SVOPL: variants seen among roughly 807,000 people sequenced by gnomAD.
SVOPL encodes the protein putative transporter SVOPL.
In SVOPL, 60 loss-of-function variants were observed where a neutral mutation model predicts 61.0. That is an observed-to-expected ratio of 0.98 (90% CI 0.80 to 1.22). The LOEUF is 1.22. Among genes scored for constraint, SVOPL ranks in the 50% most tolerant of loss-of-function variants. SVOPL has a pLI of 0.00. For missense variants in SVOPL, 662 were observed against 643.9 expected, an observed-to-expected ratio of 1.03 and a Z score of -0.30; for synonymous variants, 279 against 250.0, an observed-to-expected ratio of 1.12 and a Z score of -1.09.
intron 14 of SVOPL, among the ~76,000 whole-genome samples, chr7:138,610,076 T>C (rs890260383): frequency 1.3e-5 from 2 of 152,206 alleles, no homozygotes; most frequent in African/African-American, 4.8e-5. Flanking sequence ...ATAGTTGAGA[T>C]GTTCAATAAT....
At chr7:138,597,048 C>G (rs1383298536) in intron 14 of SVOPL, 1 of 1,155,234 alleles carries the variant, frequency 8.7e-7, no homozygotes, top group African/African-American at 1.6e-5. Flanking sequence ...GACACCAAAA[C>G]TCTTTGGTGT....
intron 8 of SVOPL, 145 bp downstream of exon 8, chr7:138,648,867 A>C: frequency 8.1e-7 from 1 of 1,230,162 alleles, no homozygotes; most frequent in South Asian, 1.7e-5. Flanking sequence ...GGCTGCAGTG[A>C]GCCGAGATTG....
chr7:138,628,155 T>TA lies in SVOPL; in HGVS notation c.1069+2dup. On this transcript the variant is annotated splice_region_variant and intron_variant, in intron 11 of 15. Transcript: ENST00000674285. Reference sequence around the variant, plus strand: ...GAGACCCAACACGCAGAGGGACACTTACAAGCAATTTCACCGATGGTGCTG... The same window carrying TA: ...GAGACCCAACACGCAGAGGGACACTTAACAAGCAATTTCACCGATGGTGCTG... The TA allele has an allele frequency of 2.5e-6, 4 of 1,614,038 alleles. No individual in the cohort carries two copies. Among genetic ancestry groups the TA allele is most frequent in the South Asian group, 1.1e-5 (1 of 91,058 alleles).
chr7:138,636,565 G>T (rs749538479), intron 9 of SVOPL, among the ~76,000 whole-genome samples: 58 of 151,286 alleles, frequency 3.8e-4, no homozygotes, highest in Middle Eastern at 6.9e-3. Flanking sequence ...CCACCTCCTG[G>T]GTTCAAGTGA....
chr7:138,677,095 G>C (rs553149256), intron 3 of SVOPL, among the ~76,000 whole-genome samples: 2 of 151,864 alleles, frequency 1.3e-5, no homozygotes, highest in East Asian at 3.9e-4. Flanking sequence ...TATTAGATAC[G>C]GGGTTTCACC....
chr7:138,671,609 A>G (rs1158868385), intron 4 of SVOPL, among the ~76,000 whole-genome samples: 1 of 152,176 alleles, frequency 6.6e-6, no homozygotes, highest in Non-Finnish European at 1.5e-5. Context: ...CAGCCTCCCA[A>G]AGTGCTGGGA....
At chr7:138,654,504 T>TTC (rs1316387513) in intron 7 of SVOPL, among the ~76,000 whole-genome samples, 1 of 147,688 alleles carries the variant, frequency 6.8e-6, no homozygotes, top group African/African-American at 2.5e-5. Context: ...GAGTTTGTTT[T>TTC]TTTTTTTTTT....
chr7:138,676,468 G>T (rs1802564116), intron 3 of SVOPL, among the ~76,000 whole-genome samples: 1 of 152,104 alleles, frequency 6.6e-6, no homozygotes, highest in Admixed American at 6.6e-5. Context: ...TCACAGGGTG[G>T]AAAGGCAAAC....
intron 9 of SVOPL, among the ~76,000 whole-genome samples, chr7:138,632,736 C>CGGATGGGGGA (rs1329197245): frequency 7.5e-4 from 107 of 143,356 alleles, no homozygotes; most frequent in African/African-American, 2.7e-3. Flanking sequence ...AGGATGGGGG[C>CGGATGGGGGA]GGGAGGAAAA....
chr7:138,693,404 G>A (rs184747582), intron 1 of SVOPL, among the ~76,000 whole-genome samples: 5 of 151,638 alleles, frequency 3.3e-5, no homozygotes, highest in Admixed American at 2.6e-4. Context: ...TTAGAGGGCT[G>A]AGGCAGGAAG....
In SVOPL at chr7:138,672,058, T is replaced by G; in HGVS notation, c.234A>C (p.Glu78Asp). Residue 78 changes from glutamate to aspartate, a missense_variant, in exon 4 of 16, where the codon GAA becomes GAC. By Grantham distance (45) the Glu-to-Asp change is conservative. Coordinates refer to ENST00000674285, the MANE Select transcript of SVOPL (RefSeq NM_001139456.2). ...CCACCTGCCAATTCTCCAGTTGCCA[T>G]TCACAGCGGATGACAGGAGACACAA... ...IAVVSPVIRC[E>D]WQLENWQVAL... 6.4e-7 allele frequency: 1 copy of G among 1,551,652 alleles called. No homozygotes were observed. Among genetic ancestry groups the G allele is most frequent in the Non-Finnish European group, 8.7e-7 (1 of 1,146,992 alleles).
chr7:138,697,899 A>G lies in SVOPL; in HGVS notation c.-35+3279T>C, dbSNP rs151130837. Among the ~76,000 whole-genome samples, 419 of 152,242 alleles carry G rather than the reference A, an allele frequency of 2.8e-3. 4 individuals carry two copies. The highest frequency in any genetic ancestry group is 9.6e-3 in the African/African-American group (401 of 41,570). ...ATTGTAGGAACAAACAATTCACAAG[A>G]GGACATGTAAATTATAATTTTGAAA... is the stretch of plus-strand genomic sequence containing the variant. On this transcript the variant is annotated intron_variant, in intron 1 of 15. Coordinates refer to ENST00000674285, the MANE Select transcript of SVOPL (RefSeq NM_001139456.2).
chr7:138,675,644 C>A (rs148394031), intron 3 of SVOPL, among the ~76,000 whole-genome samples: 2,396 of 152,242 alleles, frequency 0.016, 76 homozygotes, highest in African/African-American at 0.055. Context: ...GTGTGAGCCA[C>A]CATGCCCCGC....
chr7:138,605,567 C>T (rs1421303348), intron 14 of SVOPL, among the ~76,000 whole-genome samples: 1 of 142,918 alleles, frequency 7.0e-6, no homozygotes, highest in Non-Finnish European at 1.5e-5. Context: ...GAGGCTGAGG[C>T]AGGAGAATCG....
At chr7:138,673,083 A>G (rs917358353) in intron 3 of SVOPL, among the ~76,000 whole-genome samples, 2 of 152,166 alleles carry the variant, frequency 1.3e-5, no homozygotes, top group Non-Finnish European at 1.5e-5. Flanking sequence ...TCAGGAGGAA[A>G]AAAAGGGAAT....
intron 7 of SVOPL, among the ~76,000 whole-genome samples, chr7:138,652,545 G>A (rs537747699): frequency 3.7e-4 from 57 of 152,266 alleles, no homozygotes; most frequent in Middle Eastern, 6.8e-3. Context: ...AAGGCATGTC[G>A]AAAGCTGAGG....
rs1334712000 is a variant in SVOPL, at chr7:138,643,920, T to C, written c.789+797A>G. 2.0e-5 allele frequency among the ~76,000 whole-genome samples: 3 copies of C among 151,990 alleles called. 1 individual carries two copies. Among genetic ancestry groups the C allele is most frequent in the African/African-American group, 7.2e-5 (3 of 41,388 alleles). On this transcript the variant is annotated intron_variant, in intron 9 of 15. Transcript: ENST00000674285. ...AAGATAATAAATTATATGTTATGTA[T>C]ATTTTACCACAATTTAGACACGCCT...
intron 3 of SVOPL, among the ~76,000 whole-genome samples, chr7:138,678,062 G>C (rs977966592): frequency 6.6e-6 from 1 of 152,062 alleles, no homozygotes; most frequent in Admixed American, 6.6e-5. Flanking sequence ...CACCGTGTGT[G>C]GCCACAATCT....
At chr7:138,680,442 C>G (rs774365207) in intron 1 of SVOPL, among the ~76,000 whole-genome samples, 29 of 152,146 alleles carry the variant, frequency 1.9e-4, no homozygotes, top group Non-Finnish European at 3.8e-4. Flanking sequence ...AGCCACCATG[C>G]CTGGCTGCTT....
Sources: gnomAD v4.1 joint callset for allele counts (sites outside exome capture counted in the v4.1 genomes callset) on GRCh38, gnomAD v4.1.1 for gene constraint, MANE v1.5 for transcripts, NCBI Gene and HGNC (gene_info 2026-07-23, HGNC 2026-07-21) for gene names.